The following WDR20 variants were observed in gnomAD, a reference collection of about 807,000 sequenced individuals.
The protein encoded by WDR20 is WD repeat domain 20.
Under a neutral mutation model 38.7 loss-of-function variants are expected in WDR20, and 3 were observed. The ratio of observed to expected loss-of-function variants is 0.08; its 90% CI spans 0.04 to 0.20. The LOEUF is 0.20. Among genes scored for constraint, WDR20 ranks in the 10% least tolerant of loss-of-function variants. WDR20 has a pLI of 1.00. For synonymous variants in WDR20, 298 were observed against 285.6 expected (o/e 1.04, Z -0.44); for missense variants, 559 against 727.7 (o/e 0.77, Z 2.67).
intron 1 of WDR20, among the ~76,000 whole-genome samples, chr14:102,146,916 G>C (rs1157573879): frequency 6.6e-6 from 1 of 152,112 alleles, no homozygotes; most frequent in African/African-American, 2.4e-5. Context: ...GGTCACAGAG[G>C]GTTGCTGAAT....
At chr14:102,177,896 G>A (rs2062508837) in intron 1 of WDR20, among the ~76,000 whole-genome samples, 1 of 152,140 alleles carries the variant, frequency 6.6e-6, no homozygotes, top group African/African-American at 2.4e-5. Context: ...TACAAGTGGA[G>A]GGCATGTCAG....
intron 1 of WDR20, among the ~76,000 whole-genome samples, chr14:102,169,985 T>C (rs1354611380): frequency 6.6e-6 from 1 of 152,184 alleles, no homozygotes; most frequent in Non-Finnish European, 1.5e-5. Flanking sequence ...AGTGCCACCC[T>C]GTCCCCCTCC....
Position 102,208,610 on chromosome 14 carries a change from T to C in WDR20, c.440T>C (p.Ile147Thr). 2.5e-6 allele frequency: 4 copies of C among 1,605,960 alleles called. No homozygotes were observed. Among genetic ancestry groups the C allele is most frequent in the Non-Finnish European group, 2.6e-6 (3 of 1,173,702 alleles). Residue 147 changes from isoleucine (I) to threonine (T), a missense_variant, in exon 3 of 3, where the codon ATA (isoleucine) becomes ACA (threonine). Coordinates refer to ENST00000342702, the MANE Select transcript of WDR20 (RefSeq NM_144574.4). The surrounding 1 kb of genome is among the most constrained non-coding windows in gnomAD (Gnocchi z 5.6). ...TSKLFNEERLIDKSRVTCVKW... is the reference protein window; with the variant it reads ...TSKLFNEERLTDKSRVTCVKW... ...TCTCCTTTGTCTTCACAGAGACTAATAGACAAGTCACGAGTTACCTGTGTC... is the reference window on the plus strand; with the variant it reads ...TCTCCTTTGTCTTCACAGAGACTAACAGACAAGTCACGAGTTACCTGTGTC...
intron 1 of WDR20, among the ~76,000 whole-genome samples, chr14:102,177,983 G>A (rs2062527677): frequency 6.6e-6 from 1 of 152,120 alleles, no homozygotes; most frequent in Non-Finnish European, 1.5e-5. Flanking sequence ...TAACTCTTGG[G>A]GTCATGGTTT....
intron 1 of WDR20, chr14:102,193,606 C>T (rs145723531): frequency 8.0e-7 from 1 of 1,242,862 alleles, no homozygotes; most frequent in Non-Finnish European, 1.1e-6. Context: ...GTCCAGACTT[C>T]TACATGTGCA....
At chr14:102,158,358 C>A (rs1424283838) in intron 1 of WDR20, among the ~76,000 whole-genome samples, 1 of 151,976 alleles carries the variant, frequency 6.6e-6, no homozygotes, top group Non-Finnish European at 1.5e-5. Flanking sequence ...AGTGCAATGG[C>A]GTGATCTTGG....
At chr14:102,197,772 G>T (rs565485847) in intron 2 of WDR20, 1 of 702,430 alleles carries the variant, frequency 1.4e-6, no homozygotes, top group African/African-American at 1.7e-5. Context: ...GTCAGCACTT[G>T]TGGAAGGTGG....
intron 1 of WDR20, among the ~76,000 whole-genome samples, chr14:102,173,070 GCTC>G (rs2061298387): frequency 6.6e-6 from 1 of 151,012 alleles, no homozygotes; most frequent in Non-Finnish European, 1.5e-5. Flanking sequence ...GGGAAGAGGC[GCTC>G]CTCACTTCCT....
chr14:102,170,722 G>A (rs2060631204), intron 1 of WDR20, among the ~76,000 whole-genome samples: 1 of 151,744 alleles, frequency 6.6e-6, no homozygotes, highest in Admixed American at 6.6e-5. Context: ...TGTTGCCCAG[G>A]CTGGTCTGCG....
chr14:102,142,424 C>T (rs188614047), intron 1 of WDR20, among the ~76,000 whole-genome samples: 1 of 152,248 alleles, frequency 6.6e-6, no homozygotes, highest in African/African-American at 2.4e-5. Flanking sequence ...TAGTTACAAA[C>T]ATATTTTTGA....
downstream of WDR20, among the ~76,000 whole-genome samples, chr14:102,211,175 T>A (rs1220252503): frequency 6.6e-6 from 1 of 152,144 alleles, no homozygotes; most frequent in Non-Finnish European, 1.5e-5. This position sits in a 1 kb window ranked among gnomAD's most constrained non-coding sequence, Gnocchi z 4.2. Flanking sequence ...GTATTCCATG[T>A]CAAGATGGTG....
At chr14:102,215,799 G>A (rs999800955), downstream of WDR20, among the ~76,000 whole-genome samples, 13 of 152,150 alleles carry the variant, frequency 8.5e-5, no homozygotes, top group African/African-American at 3.1e-4. Context: ...AGTGGGGGAC[G>A]TTCCATTTGG....
chr14:102,151,076 A>G (rs1056039177), intron 1 of WDR20, among the ~76,000 whole-genome samples: 11 of 152,088 alleles, frequency 7.2e-5, no homozygotes, highest in African/African-American at 1.7e-4. Context: ...AACATTGCCT[A>G]TTAATAGGTG....
chr14:102,162,304 T>C (rs1566862454), intron 1 of WDR20, among the ~76,000 whole-genome samples: 2 of 152,158 alleles, frequency 1.3e-5, no homozygotes, highest in Non-Finnish European at 2.9e-5. Context: ...TAAACCTGTC[T>C]TTCCTTTGCC....
downstream of WDR20, among the ~76,000 whole-genome samples, chr14:102,212,094 G>C (rs2062614462): frequency 6.6e-6 from 1 of 152,156 alleles, no homozygotes; most frequent in Non-Finnish European, 1.5e-5. Context: ...TAGGAACCAG[G>C]GGTGGGAGAG....
At chr14:102,204,839 T>A (rs2061222500) in intron 2 of WDR20, among the ~76,000 whole-genome samples, 1 of 152,238 alleles carries the variant, frequency 6.6e-6, no homozygotes. Context: ...TACATAGATG[T>A]CCATCAGTGG....
At chr14:102,193,335 C>CGGCCGCTCCCCTCCACT in intron 1 of WDR20, 1 of 879,444 alleles carries the variant, frequency 1.1e-6, no homozygotes, top group South Asian at 1.6e-5. Context: ...TGCTGTACAG[C>CGGCCGCTCCCCTCCACT]GGCCGCTCCC....
chr14:102,140,584 A>AG (rs1021041191), intron 1 of WDR20, among the ~76,000 whole-genome samples: 4 of 152,110 alleles, frequency 2.6e-5, no homozygotes, highest in Admixed American at 2.0e-4. Flanking sequence ...GTTAGAGAAC[A>AG]GGGACGCAAG....
chr14:102,186,988 A>G (rs769130414), intron 1 of WDR20, among the ~76,000 whole-genome samples: 50 of 151,968 alleles, frequency 3.3e-4, no homozygotes, highest in Non-Finnish European at 5.3e-4. Context: ...AACCTGCGGA[A>G]CAGTCTTTGC....
Sources: gnomAD v4.1 joint callset for allele counts (sites outside exome capture counted in the v4.1 genomes callset) on GRCh38, gnomAD v4.1.1 for gene constraint, Gnocchi (gnomAD v3.1) non-coding constraint, MANE v1.5 for transcripts, NCBI Gene and HGNC (gene_info 2026-07-23, HGNC 2026-07-21) for gene names.